The following SBF1 variants were observed in gnomAD, a reference collection of about 807,000 sequenced individuals.
The protein encoded by SBF1 is myotubularin-related protein 5.
In SBF1, 65 loss-of-function variants were observed where a neutral mutation model predicts 215.8. The observed-to-expected ratio is 0.30, with a 90% confidence interval of 0.25 to 0.37. The LOEUF (loss-of-function observed/expected upper bound fraction) is 0.37. Among genes scored for constraint, SBF1 ranks in the 10% least tolerant of loss-of-function variants. The probability of loss-of-function intolerance (pLI) is 1.00; values close to 1 mark genes in which losing one functional copy is unlikely to be tolerated. For synonymous variants in SBF1, 1,410 were observed against 1,122.8 expected, an observed-to-expected ratio of 1.26 and a Z score of -5.11; for missense variants, 2,634 against 2,667.8, an observed-to-expected ratio of 0.99 and a Z score of 0.28.
intron 1 of SBF1, 54 bp downstream of exon 1, chr22:50,474,732 C>CCTCAGCA: frequency 7.0e-7 from 1 of 1,418,730 alleles, no homozygotes; most frequent in African/African-American, 1.5e-5. Context: ...AGCCCCTGGC[C>CCTCAGCA]CTCAGCACTC....
At chr22:50,457,495 C>T (rs2067301980) in intron 28 of SBF1, 1 of 213,604 alleles carries the variant, frequency 4.7e-6, no homozygotes, top group East Asian at 9.5e-5. Flanking sequence ...TCAGAACGCT[C>T]CACACATGAG....
intron 36 of SBF1, among the ~76,000 whole-genome samples, chr22:50,450,129 G>A (rs541998922): frequency 1.3e-5 from 2 of 152,254 alleles, no homozygotes; most frequent in African/African-American, 4.8e-5. Context: ...AGGGGCTCTA[G>A]AAATCTAGAC....
chr22:50,460,434 G>GTGAGAGGAGGAGGGACAAAGA (rs2067456856), intron 24 of SBF1, 26 bp from the exon 25 acceptor site: 2 of 1,603,532 alleles, frequency 1.2e-6, no homozygotes, highest in Admixed American at 3.4e-5. Flanking sequence ...GTCAGCAAAG[G>GTGAGAGGAGGAGGGACAAAGA]TGAGAGGAGG....
In SBF1 at chr22:50,465,304, G is replaced by A. The variant is rs759862768; in HGVS notation, c.1114C>T (p.Leu372=). The A allele has an allele frequency of 8.1e-6, 13 of 1,601,940 alleles. No individual in the cohort carries two copies. Among genetic ancestry groups the A allele is most frequent in the South Asian group, 4.5e-5 (4 of 89,248 alleles). The stretch of plus-strand genomic sequence containing the variant: ...TGCAGCAGCTGAGCGAACAGCCGCA[G>A]GAAGACCGCGCGCAGCTCCTTGTCC... ...MQDKELRAVF[L]RLFAQLLQGY... Residue 372 remains leucine, a synonymous_variant, in exon 11 of 41, where the codon CTG becomes TTG. Transcript: ENST00000380817.
At chr22:50,474,263 T>G (rs921314840) in intron 1 of SBF1, among the ~76,000 whole-genome samples, 2 of 152,236 alleles carry the variant, frequency 1.3e-5, no homozygotes, top group Non-Finnish European at 2.9e-5. Flanking sequence ...CGCTTCTCCA[T>G]GCACCAAACC....
At chr22:50,474,709 G>T in intron 1 of SBF1, 77 bp downstream of exon 1, 1 of 1,053,720 alleles carries the variant, frequency 9.5e-7, no homozygotes, top group Non-Finnish European at 1.3e-6. Flanking sequence ...CCCGGCCCTC[G>T]ACCCTCAGAC....
intron 36 of SBF1, among the ~76,000 whole-genome samples, chr22:50,452,921 G>C (rs2067104649): frequency 6.6e-6 from 1 of 151,728 alleles, no homozygotes. Context: ...ACAACACAGA[G>C]ATGTACAGCT....
At chr22:50,451,516 G>A (rs983768836) in intron 36 of SBF1, among the ~76,000 whole-genome samples, 1 of 152,194 alleles carries the variant, frequency 6.6e-6, no homozygotes. Flanking sequence ...TAAAGTTCCA[G>A]AAGGAAAGGG....
At chr22:50,459,430 G>A (rs770487900) in intron 27 of SBF1, 38 bp from the exon 28 acceptor site, 5 of 1,611,792 alleles carry the variant, frequency 3.1e-6, no homozygotes, top group African/African-American at 2.7e-5. Context: ...GGGAGGGTGA[G>A]ATAGGGCAGG....
At chr22:50,451,441 C>T (rs1450808774) in intron 36 of SBF1, among the ~76,000 whole-genome samples, 1 of 152,070 alleles carries the variant, frequency 6.6e-6, no homozygotes, top group Non-Finnish European at 1.5e-5. Flanking sequence ...AGAAATCATC[C>T]AAAATGAATT....
Position 50,462,902 on chromosome 22 carries a change from C to T in SBF1, c.1936G>A (p.Ala646Thr). The T allele has an allele frequency of 6.2e-7, 1 of 1,613,234 alleles. No homozygotes were observed. Among genetic ancestry groups the T allele is most frequent in the South Asian group, 1.1e-5 (1 of 91,044 alleles). The change falls in exon 17 of 41, where the codon GCT (alanine) becomes ACT (threonine). Residue 646 changes from alanine (A) to threonine (T), a missense_variant. Transcript: ENST00000380817. ...AAGGCTGTGACCAGAGGCAGCAGAG[C>T]CGCCGCAATGCCATGCTCGTCCAGA... ...TSLDEHGIAA[A>T]LLPLVTAFCR...
rs1251901710 is a variant in SBF1, at chr22:50,447,039, A to G, written c.*103T>C. 4 of 1,057,702 alleles carry G rather than the reference A, an allele frequency of 3.8e-6. No individual in the cohort carries two copies. In the Admixed American group the frequency reaches 6.3e-5, roughly 17 times the overall value. 65.5% of individuals were successfully genotyped at this position (1,057,702 alleles called of 1,614,324 possible). A position where few individuals can be genotyped will look rare whatever the true frequency, so the allele number is the denominator to read the frequency against. ...CAAGTGCTGGGGGCTCGGGGCCTCA[A>G]TACTGTCGAGGGCCGGGGCTGTAAA... On this transcript the variant is annotated 3_prime_UTR_variant, in exon 41 of 41. Coordinates refer to ENST00000380817, the MANE Select transcript of SBF1 (RefSeq NM_002972.4).
intron 17 of SBF1, 69 bp downstream of exon 17, chr22:50,462,801 C>T: frequency 1.2e-6 from 2 of 1,605,824 alleles, no homozygotes; most frequent in Non-Finnish European, 1.7e-6. Flanking sequence ...GGAAGGGGGG[C>T]TGGGAAGGAG....
chr22:50,455,251 G>A lies in SBF1; in HGVS notation c.4527C>T (p.Phe1509=), dbSNP rs747725033. The change falls in exon 33 of 41, where the codon TTC becomes TTT. Residue 1509 remains phenylalanine, a synonymous_variant. Transcript: ENST00000380817. The part of the protein sequence containing the change: ...AGQSSGFTPV[F]LQFLDCVHQV... The stretch of plus-strand genomic sequence containing the variant: ...GGTGTACGCAGTCCAGGAACTGCAG[G>A]AAGACGGGTGTGAAGCCGCTGCTCT... 9 of 1,613,188 alleles carry A rather than the reference G, an allele frequency of 5.6e-6. No individual in the cohort carries two copies. The Admixed American group carries it at 1.2e-4, about 21-fold the overall frequency.
At chr22:50,463,133 C>T in intron 16 of SBF1, 150 bp downstream of exon 16, 3 of 1,187,262 alleles carry the variant, frequency 2.5e-6, no homozygotes, top group Non-Finnish European at 3.6e-6. Flanking sequence ...TGGTTCTCTC[C>T]ACCCTGTTCC....
chr22:50,471,807 A>T (rs2068005970), intron 1 of SBF1, among the ~76,000 whole-genome samples: 1 of 152,090 alleles, frequency 6.6e-6, no homozygotes, highest in Non-Finnish European at 1.5e-5. Context: ...CCCGCTCCAG[A>T]GGGAGGGCAG....
At position 50,466,212 on chromosome 22, in the gene SBF1, T is replaced by C. The variant is rs1229221944; in HGVS notation, c.835A>G (p.Ser279Gly). 1.2e-6 allele frequency: 2 copies of C among 1,613,434 alleles called. No individual in the cohort carries two copies. The highest frequency in any genetic ancestry group is 1.7e-6 in the Non-Finnish European group (2 of 1,180,022). ...ILPAQLLEVLSTPTPFIIGVN... is the reference protein window; with the variant it reads ...ILPAQLLEVLGTPTPFIIGVN... ...CCAATGATGAAGGGCGTGGGTGTGC[T>C]GAGGACCTCCAGCAGCTGAGCCGGC... Residue 279 changes from serine to glycine, a missense_variant, in exon 8 of 41, where the codon AGC becomes GGC. Ser to Gly is a moderately conservative substitution (Grantham distance 56). Coordinates refer to ENST00000380817, the MANE Select transcript of SBF1 (RefSeq NM_002972.4).
chr22:50,462,751 C>G, intron 17 of SBF1, 34 bp from the exon 18 acceptor site: 2 of 1,609,330 alleles, frequency 1.2e-6, no homozygotes, highest in Non-Finnish European at 1.7e-6. Flanking sequence ...CAGCTGGATG[C>G]AGCCAGGAAG....
At chr22:50,454,450 C>G (rs1303448568) in intron 36 of SBF1, 62 bp downstream of exon 36, 1 of 1,426,926 alleles carries the variant, frequency 7.0e-7, no homozygotes, top group Non-Finnish European at 9.8e-7. Flanking sequence ...CACGCACGAC[C>G]CTGGTGTCTG....
Sources: allele counts gnomAD v4.1 joint callset (sites outside exome capture counted in the v4.1 genomes callset), GRCh38; gene constraint gnomAD v4.1.1; transcripts MANE v1.5; gene names NCBI Gene and HGNC (gene_info 2026-07-23, HGNC 2026-07-21).